The following LRP1B variants were observed in gnomAD, a reference collection of about 807,000 sequenced individuals.
The protein encoded by LRP1B is low-density lipoprotein receptor-related protein 1B.
A neutral mutation model predicts 556.6 loss-of-function variants in LRP1B; 217 were observed. The observed-to-expected ratio is 0.39, with a 90% CI of 0.35 to 0.44. The LOEUF (loss-of-function observed/expected upper bound fraction) is 0.44, where lower values mean the gene tolerates loss of function less well. Among genes scored for constraint, LRP1B ranks in the 20% least tolerant of loss-of-function variants. The probability of loss-of-function intolerance (pLI) is 1.00; values close to 1 mark genes in which losing one functional copy is unlikely to be tolerated. For synonymous variants in LRP1B, 2,047 were observed against 1,865.8 expected, an observed-to-expected ratio of 1.10 and a Z score of -2.50; for missense variants, 5,053 against 5,620.8, an observed-to-expected ratio of 0.90 and a Z score of 3.23.
chr2:140,904,718 T>A (rs1399276720), intron 22 of LRP1B, among the ~76,000 whole-genome samples: 1 of 152,134 alleles, frequency 6.6e-6, no homozygotes, highest in African/African-American at 2.4e-5. Flanking sequence ...TCCAAATATG[T>A]TTGTTCACCC....
chr2:140,506,423 T>C (rs1689415210), intron 53 of LRP1B, among the ~76,000 whole-genome samples: 1 of 151,934 alleles, frequency 6.6e-6, no homozygotes, highest in Non-Finnish European at 1.5e-5. Flanking sequence ...TTTGTATTTT[T>C]AGTAGAGATG....
intron 3 of LRP1B, among the ~76,000 whole-genome samples, chr2:141,388,648 A>G (rs4368278): frequency 0.98 from 149,837 of 152,178 alleles, 73,805 homozygotes; most frequent in East Asian, 1. Flanking sequence ...TGTACTGAAA[A>G]GTCTAGTTAG....
chr2:140,510,924 ATGAATGTTT>A (rs941350052), intron 51 of LRP1B, among the ~76,000 whole-genome samples: 11 of 152,072 alleles, frequency 7.2e-5, no homozygotes, highest in Non-Finnish European at 1.3e-4. Context: ...GTTACATACA[ATGAATGTTT>A]TGAATGTTTT....
chr2:141,587,115 A>G (rs551409529), intron 2 of LRP1B, among the ~76,000 whole-genome samples: 2 of 152,326 alleles, frequency 1.3e-5, no homozygotes, highest in Admixed American at 6.5e-5. Context: ...TGAGAAATTT[A>G]TAACTAGCAA....
At position 141,680,943 on chromosome 2, in the gene LRP1B, G is replaced by A. The variant is rs566347173; in HGVS notation, c.205+129336C>T. Among the ~76,000 whole-genome samples, 18 of 152,126 alleles carry A rather than the reference G, an allele frequency of 1.2e-4. No homozygotes were observed. The South Asian group carries it at 1.2e-3, about 11-fold the overall frequency. ...GAGCCTAACTGTAAGAAAATGGTGC[G>A]TTGCATTTTGCCACAAACTCAGTTA... is the stretch of plus-strand genomic sequence containing the variant. On this transcript the variant is annotated intron_variant, in intron 2 of 90. Transcript: ENST00000389484.
chr2:141,139,115 A>AGTTTACCAG (rs1701565805), intron 7 of LRP1B, among the ~76,000 whole-genome samples: 1 of 151,926 alleles, frequency 6.6e-6, no homozygotes, highest in African/African-American at 2.4e-5. Flanking sequence ...TTTTTTCAAC[A>AGTTTACCAG]AATGGTGCTG....
At chr2:141,709,432 C>G (rs1395298850) in intron 2 of LRP1B, among the ~76,000 whole-genome samples, 1 of 150,116 alleles carries the variant, frequency 6.7e-6, no homozygotes, top group Admixed American at 6.6e-5. Context: ...CCAGACTGTC[C>G]TCATCCCAAC....
chr2:141,988,899 A>T (rs1355647731), intron 1 of LRP1B, among the ~76,000 whole-genome samples: 1 of 152,090 alleles, frequency 6.6e-6, no homozygotes, highest in Non-Finnish European at 1.5e-5. Context: ...CTTTGTAATT[A>T]TCCAACATAA....
intron 1 of LRP1B, among the ~76,000 whole-genome samples, chr2:141,877,080 G>A (rs1278925970): frequency 6.6e-6 from 1 of 151,892 alleles, no homozygotes; most frequent in Non-Finnish European, 1.5e-5. Flanking sequence ...ATTTAATGTT[G>A]CACAAGCATT....
intron 3 of LRP1B, among the ~76,000 whole-genome samples, chr2:141,298,139 G>A (rs1163451279): frequency 6.6e-6 from 1 of 152,140 alleles, no homozygotes; most frequent in African/African-American, 2.4e-5. Flanking sequence ...CTGGCAAAAT[G>A]TCTCTCAGAG....
chr2:141,169,021 C>T (rs6722441), intron 7 of LRP1B, among the ~76,000 whole-genome samples: 1 of 151,848 alleles, frequency 6.6e-6, no homozygotes, highest in Non-Finnish European at 1.5e-5. Context: ...CGCGGTGGCT[C>T]AGGCCTATAA....
chr2:142,122,628 A>C (rs999284932), intron 1 of LRP1B, among the ~76,000 whole-genome samples: 3 of 152,026 alleles, frequency 2.0e-5, no homozygotes, highest in African/African-American at 7.2e-5. Context: ...TCCATCTACA[A>C]ATCTGATGTA....
intron 1 of LRP1B, among the ~76,000 whole-genome samples, chr2:141,903,421 C>G (rs1377832168): frequency 6.6e-6 from 1 of 151,836 alleles, no homozygotes; most frequent in Non-Finnish European, 1.5e-5. Context: ...ATTCTACTAT[C>G]TTAAAAAATC....
intron 1 of LRP1B, among the ~76,000 whole-genome samples, chr2:141,909,449 C>T (rs1699844179): frequency 6.6e-6 from 1 of 151,088 alleles, no homozygotes; most frequent in Admixed American, 6.6e-5. Context: ...CCTAAAACTA[C>T]CACAATAATC....
chr2:140,878,004 T>C (rs1416453085), intron 25 of LRP1B, among the ~76,000 whole-genome samples: 1 of 152,188 alleles, frequency 6.6e-6, no homozygotes, highest in African/African-American at 2.4e-5. Flanking sequence ...CTTTCACAGC[T>C]ATGGTTGTGG....
chr2:141,136,465 T>G (rs1037760616), intron 7 of LRP1B, among the ~76,000 whole-genome samples: 2 of 151,818 alleles, frequency 1.3e-5, no homozygotes, highest in African/African-American at 4.8e-5. Flanking sequence ...ATTCCCACAT[T>G]TTTAAAAGAC....
chr2:141,693,724 T>A (rs1389060309), intron 2 of LRP1B, among the ~76,000 whole-genome samples: 1 of 152,052 alleles, frequency 6.6e-6, no homozygotes, highest in East Asian at 1.9e-4. Flanking sequence ...ATTTTGTTTT[T>A]TACTTAAATA....
intron 2 of LRP1B, among the ~76,000 whole-genome samples, chr2:141,685,770 T>C (rs1341151037): frequency 2.0e-5 from 3 of 152,028 alleles, no homozygotes; most frequent in Admixed American, 6.6e-5. Flanking sequence ...ATAGATTCTT[T>C]CCTGCAGCCT....
rs569651115 is a variant in LRP1B, at chr2:140,758,486, A to T, written c.5758+10727T>A. 4.1e-4 allele frequency among the ~76,000 whole-genome samples: 63 copies of T among 152,190 alleles called. No homozygotes were observed. In the South Asian group the frequency reaches 0.013, roughly 31 times the overall value. On this transcript the variant is annotated intron_variant, in intron 35 of 90. Transcript: ENST00000389484. Reference sequence around the variant, plus strand: ...TAAATTTTAAAAAATTTAAACAAATAAAAGTATTTAACCATGGATTGAGGT... The same window carrying T: ...TAAATTTTAAAAAATTTAAACAAATTAAAGTATTTAACCATGGATTGAGGT...
Sources: allele counts gnomAD v4.1 joint callset (sites outside exome capture counted in the v4.1 genomes callset), GRCh38; gene constraint gnomAD v4.1.1; transcripts MANE v1.5; gene names NCBI Gene and HGNC (gene_info 2026-07-23, HGNC 2026-07-21).